ARHGAP44: variants seen among roughly 807,000 people sequenced by gnomAD.
The protein encoded by ARHGAP44 is Rho GTPase activating protein 44.
ARHGAP44 carries 43 observed loss-of-function variants against 106.8 expected under a neutral mutation model. That is an observed-to-expected ratio of 0.40 (90% CI 0.32 to 0.52). ARHGAP44 has a LOEUF of 0.52. ARHGAP44 is among the 20% of genes least tolerant of loss of function. ARHGAP44 has a pLI of 0.48. For synonymous variants in ARHGAP44, 439 were observed against 410.3 expected, an observed-to-expected ratio of 1.07 and a Z score of -0.85; for missense variants, 866 against 1,050.5, an observed-to-expected ratio of 0.82 and a Z score of 2.43.
intron 1 of ARHGAP44, among the ~76,000 whole-genome samples, chr17:12,863,391 TA>T (rs2036146510): frequency 6.6e-6 from 1 of 152,188 alleles, no homozygotes; most frequent in Non-Finnish European, 1.5e-5. Flanking sequence ...CTACAATGTG[TA>T]AAAAATCTAA....
At chr17:12,811,217 G>A (rs1295339713) in intron 1 of ARHGAP44, among the ~76,000 whole-genome samples, 1 of 151,732 alleles carries the variant, frequency 6.6e-6, no homozygotes, top group African/African-American at 2.4e-5. Flanking sequence ...GGAGGCTGAG[G>A]CAGGAGAATG....
chr17:12,859,777 A>G (rs570069545), intron 1 of ARHGAP44, among the ~76,000 whole-genome samples: 20 of 152,332 alleles, frequency 1.3e-4, no homozygotes, highest in South Asian at 2.1e-4. Flanking sequence ...ACATGAGCCC[A>G]TTCAGGGCCA....
At chr17:12,986,656 A>G (rs2039962630) in intron 20 of ARHGAP44, 1 of 138,918 alleles carries the variant, frequency 7.2e-6, no homozygotes, top group Non-Finnish European at 1.5e-5. Flanking sequence ...GCCTGGCAAC[A>G]GAGCGAGACT....
intron 19 of ARHGAP44, chr17:12,980,943 G>C (rs1482705326): frequency 6.6e-6 from 1 of 152,118 alleles, no homozygotes; most frequent in Non-Finnish European, 1.5e-5. Flanking sequence ...TTAACTCCTG[G>C]ATTTGTCGAA....
intron 6 of ARHGAP44, among the ~76,000 whole-genome samples, chr17:12,920,736 ATGGTGTAGGTGTC>A (rs1224892339): frequency 3.9e-5 from 6 of 152,222 alleles, no homozygotes; most frequent in Non-Finnish European, 7.3e-5. Flanking sequence ...CCTGAAGCTG[ATGGTGTAGGTGTC>A]TGCTTTCTGT....
intron 1 of ARHGAP44, among the ~76,000 whole-genome samples, chr17:12,797,217 C>G (rs913631154): frequency 6.6e-6 from 1 of 152,054 alleles, no homozygotes; most frequent in Non-Finnish European, 1.5e-5. Flanking sequence ...TGCCCAGATG[C>G]AGATTATATA....
intron 3 of ARHGAP44, among the ~76,000 whole-genome samples, 167 bp downstream of exon 3, chr17:12,896,678 C>CTCCCTA (rs989176386): frequency 6.6e-6 from 1 of 152,190 alleles, no homozygotes; most frequent in Non-Finnish European, 1.5e-5. Flanking sequence ...GGTAATGACC[C>CTCCCTA]TCCCTACTGT....
intron 20 of ARHGAP44, among the ~76,000 whole-genome samples, chr17:12,989,124 A>AAAAAAAAAAAAAAAG (rs2040042667): frequency 6.8e-6 from 1 of 148,140 alleles, no homozygotes; most frequent in African/African-American, 2.5e-5. Flanking sequence ...AAAAAAAAAA[A>AAAAAAAAAAAAAAAG]ACTAAGCAGG....
chr17:12,896,641 T>A, intron 3 of ARHGAP44, 130 bp downstream of exon 3: 1 of 761,616 alleles, frequency 1.3e-6, no homozygotes, highest in Non-Finnish European at 2.1e-6. Flanking sequence ...TCAGCAGCTC[T>A]AGCTGCCTAT....
At chr17:12,869,155 C>G (rs916209688) in intron 1 of ARHGAP44, among the ~76,000 whole-genome samples, 3 of 151,850 alleles carry the variant, frequency 2.0e-5, no homozygotes, top group African/African-American at 7.3e-5. Context: ...TGGAGAGACT[C>G]AGAGAGCAGT....
At chr17:12,876,760 A>T (rs1210669374) in intron 1 of ARHGAP44, among the ~76,000 whole-genome samples, 1 of 151,676 alleles carries the variant, frequency 6.6e-6, no homozygotes, top group Non-Finnish European at 1.5e-5. Context: ...AAAATACAAA[A>T]ATTAGCTGGG....
At position 12,990,209 on chromosome 17, in the gene ARHGAP44, C is replaced by A. The variant is rs1179825354; in HGVS notation, c.*38C>A. 2 of 1,584,392 alleles carry A rather than the reference C, an allele frequency of 1.3e-6. No individual in the cohort carries two copies. Among genetic ancestry groups the A allele is most frequent in the African/African-American group, 2.7e-5 (2 of 74,468 alleles). ...CATCCTGCCTCGCGTGTACATACAT[C>A]ACGGGCCCTAGGAACGCCGCCAGGA... On this transcript the variant is annotated 3_prime_UTR_variant, in exon 21 of 21. Transcript: ENST00000379672.
Position 12,990,017 on chromosome 17 carries a change from T to C in ARHGAP44, c.2318-15T>C. The C allele has an allele frequency of 6.3e-7, 1 of 1,594,756 alleles. No individual in the cohort carries two copies. Among genetic ancestry groups the C allele is most frequent in the South Asian group, 1.1e-5 (1 of 90,678 alleles). The stretch of plus-strand genomic sequence containing the variant: ...AAGCCTCCTTTCAACCACCTCTCTC[T>C]CTGCCGCCTTCCAGATCTTGTCCAC... On this transcript the variant is annotated splice_polypyrimidine_tract_variant and intron_variant, in intron 20 of 20. Coordinates refer to ENST00000379672, the MANE Select transcript of ARHGAP44 (RefSeq NM_014859.6).
chr17:12,941,961 G>GT (rs2038722418), intron 8 of ARHGAP44, among the ~76,000 whole-genome samples: 1 of 152,132 alleles, frequency 6.6e-6, no homozygotes. Context: ...AAGAAGGAAG[G>GT]TAAGGAGAGG....
intron 1 of ARHGAP44, among the ~76,000 whole-genome samples, chr17:12,810,859 G>A (rs902254156): frequency 6.6e-6 from 1 of 152,150 alleles, no homozygotes; most frequent in African/African-American, 2.4e-5. Context: ...GAAAATCCAG[G>A]TGTAACTTTT....
intron 1 of ARHGAP44, among the ~76,000 whole-genome samples, chr17:12,790,961 G>T (rs1443367460): frequency 6.6e-6 from 1 of 152,094 alleles, no homozygotes; most frequent in Non-Finnish European, 1.5e-5. Context: ...CACCTCGAGG[G>T]CTCTCCACTA....
intron 1 of ARHGAP44, among the ~76,000 whole-genome samples, chr17:12,836,974 G>A (rs987486955): frequency 6.6e-6 from 1 of 152,164 alleles, no homozygotes; most frequent in African/African-American, 2.4e-5. Flanking sequence ...GGTATACAGA[G>A]GATACATATT....
Position 12,974,176 on chromosome 17 carries a change from G to C in ARHGAP44, c.1629G>C (p.Met543Ile), listed in dbSNP as rs1284186430. ...GRKVSCAPPS[M>I]QPPAPPAELA... ...AAGTGTCCTGCGCCCCGCCCTCCAT[G>C]CAGCCTCCCGCCCCGCCCGCCGAGC... is the stretch of plus-strand genomic sequence containing the variant. The change falls in exon 18 of 21, where the codon ATG becomes ATC. Residue 543 changes from methionine to isoleucine, a missense_variant. Met to Ile is a conservative substitution (Grantham distance 10). This residue lies in a region of ARHGAP44 where 418 missense variants were observed against 403.6 expected (regional missense o/e 1.04). Coordinates refer to ENST00000379672, the MANE Select transcript of ARHGAP44 (RefSeq NM_014859.6). 1 of 1,549,806 alleles carries C rather than the reference G, an allele frequency of 6.5e-7. No individual in the cohort carries two copies. Among genetic ancestry groups the C allele is most frequent in the African/African-American group, 1.4e-5 (1 of 73,018 alleles).
chr17:12,834,460 C>T (rs760762910), intron 1 of ARHGAP44, among the ~76,000 whole-genome samples: 3 of 152,296 alleles, frequency 2.0e-5, no homozygotes, highest in Non-Finnish European at 4.4e-5. Context: ...GCTATGATGG[C>T]ATCACTGCAT....
Sources: gnomAD v4.1 joint callset for allele counts (sites outside exome capture counted in the v4.1 genomes callset) on GRCh38, gnomAD v4.1.1 for gene constraint, gnomAD v4.1.1 regional missense constraint, MANE v1.5 for transcripts, NCBI Gene and HGNC (gene_info 2026-07-23, HGNC 2026-07-21) for gene names.